OPCML: variants seen among roughly 807,000 people sequenced by gnomAD.
The protein encoded by OPCML is opioid-binding protein/cell adhesion molecule.
In OPCML, 13 loss-of-function variants were observed where a neutral mutation model predicts 37.8. The observed-to-expected ratio is 0.34, with a 90% CI of 0.22 to 0.55. The LOEUF is 0.55. Ranked by LOEUF, OPCML falls within the 20% of genes least tolerant of loss-of-function variation. The probability of loss-of-function intolerance (pLI) is 0.91; values close to 1 mark genes in which losing one functional copy is unlikely to be tolerated. For missense variants in OPCML, 341 were observed against 435.6 expected, an observed-to-expected ratio of 0.78 and a Z score of 1.93; for synonymous variants, 176 against 168.8, an observed-to-expected ratio of 1.04 and a Z score of -0.33.
At chr11:133,482,909 T>C (rs1947409647) in intron 1 of OPCML, among the ~76,000 whole-genome samples, 1 of 152,106 alleles carries the variant, frequency 6.6e-6, no homozygotes, top group African/African-American at 2.4e-5. Flanking sequence ...ACAAAAAATA[T>C]ATACATTTGA....
intron 1 of OPCML, among the ~76,000 whole-genome samples, chr11:133,170,272 G>A (rs963732240): frequency 5.3e-5 from 8 of 152,270 alleles, no homozygotes; most frequent in East Asian, 3.9e-4. Flanking sequence ...GTCAGGAGAT[G>A]GAGACCATCC....
chr11:133,282,711 T>A (rs1249324552), intron 1 of OPCML, among the ~76,000 whole-genome samples: 1 of 152,194 alleles, frequency 6.6e-6, no homozygotes, highest in African/African-American at 2.4e-5. Context: ...CCATAGGCAC[T>A]CAACTCCAAC....
chr11:133,430,303 A>G (rs1366885541), intron 1 of OPCML, among the ~76,000 whole-genome samples: 1 of 152,238 alleles, frequency 6.6e-6, no homozygotes, highest in Non-Finnish European at 1.5e-5. Flanking sequence ...AAGACTACTA[A>G]GAGCATTGCT....
At position 133,174,453 on chromosome 11, in the gene OPCML, T is replaced by C. The variant is rs1038037907; in HGVS notation, c.62-231443A>G. Among the ~76,000 whole-genome samples, 22 of 152,170 alleles carry C rather than the reference T, an allele frequency of 1.4e-4. No individual in the cohort carries two copies. Among genetic ancestry groups the C allele is most frequent in the Admixed American group, 6.5e-5 (1 of 15,274 alleles). On this transcript the variant is annotated intron_variant, in intron 1 of 7. Coordinates refer to ENST00000524381, the MANE Select transcript of OPCML (RefSeq NM_001012393.5). This position sits in a 1 kb window ranked among gnomAD's most constrained non-coding sequence, Gnocchi z 4.6. ...GAAGGAATGGTTTTCTCAGACGAGT[T>C]AGAATAACATACCAACATTTAATTG...
chr11:133,109,753 CCT>C (rs1453728489), intron 1 of OPCML, among the ~76,000 whole-genome samples: 1 of 152,120 alleles, frequency 6.6e-6, no homozygotes, highest in Non-Finnish European at 1.5e-5. Flanking sequence ...ATGATTTTGC[CCT>C]GTCAGGAAGC....
intron 1 of OPCML, among the ~76,000 whole-genome samples, chr11:133,140,863 GACGACGACGAAGAA>G (rs1949784893): frequency 2.9e-5 from 2 of 69,778 alleles, no homozygotes; most frequent in African/African-American, 6.7e-5. Context: ...CGAAGAAGAC[GACGACGACGAAGAA>G]GACGACGACG....
chr11:133,504,028 T>A (rs866954023), intron 1 of OPCML, among the ~76,000 whole-genome samples: 124 of 151,814 alleles, frequency 8.2e-4, no homozygotes, highest in African/African-American at 2.7e-3. Context: ...AGGAAGACTC[T>A]ACTAGCCCCA....
At chr11:132,944,163 C>A (rs1027962773) in intron 1 of OPCML, among the ~76,000 whole-genome samples, 1 of 151,834 alleles carries the variant, frequency 6.6e-6, no homozygotes, top group Middle Eastern at 3.4e-3. Context: ...CGGCGCCCCT[C>A]GCAGCGGCTT....
chr11:132,688,037 C>T (rs547390927), intron 2 of OPCML, among the ~76,000 whole-genome samples: 44 of 152,172 alleles, frequency 2.9e-4, no homozygotes, highest in African/African-American at 7.7e-4. Context: ...TGCTTCTATC[C>T]GGGAAATGAC....
intron 1 of OPCML, chr11:133,007,935 G>A (rs1189452531): frequency 1.0e-6 from 1 of 985,338 alleles, no homozygotes; most frequent in Non-Finnish European, 1.2e-6. Context: ...GTGCATTTAT[G>A]TTTTATATAT....
intron 3 of OPCML, among the ~76,000 whole-genome samples, chr11:132,593,606 CA>C (rs1453215441): frequency 2.0e-5 from 3 of 152,086 alleles, no homozygotes; most frequent in African/African-American, 7.2e-5. Context: ...CTGAACAGAT[CA>C]GGGGAGAGAT....
At chr11:133,330,627 A>G (rs1171566509) in intron 1 of OPCML, among the ~76,000 whole-genome samples, 1 of 150,562 alleles carries the variant, frequency 6.6e-6, no homozygotes, top group African/African-American at 2.4e-5. Flanking sequence ...ATAGGTGGGA[A>G]TTGAACAATG....
At chr11:133,015,129 T>C (rs1947296086) in intron 1 of OPCML, among the ~76,000 whole-genome samples, 1 of 151,930 alleles carries the variant, frequency 6.6e-6, no homozygotes, top group South Asian at 2.1e-4. Context: ...GGTAATAAAT[T>C]TACATAGATC....
At chr11:133,318,802 C>A (rs1943263144) in intron 1 of OPCML, among the ~76,000 whole-genome samples, 1 of 152,196 alleles carries the variant, frequency 6.6e-6, no homozygotes, top group Non-Finnish European at 1.5e-5. Flanking sequence ...TTTGGGAGAC[C>A]AAGGTGGGCA....
chr11:132,742,051 T>C (rs1364661360), intron 2 of OPCML, among the ~76,000 whole-genome samples: 1 of 151,850 alleles, frequency 6.6e-6, no homozygotes, highest in Non-Finnish European at 1.5e-5. Context: ...AATTAAAAAA[T>C]AAATAAAAGC....
chr11:133,386,449 C>T (rs752304361), intron 1 of OPCML, among the ~76,000 whole-genome samples: 1 of 152,130 alleles, frequency 6.6e-6, no homozygotes, highest in Non-Finnish European at 1.5e-5. Context: ...AGAAGACATA[C>T]TGGCCAGCTC....
intron 4 of OPCML, among the ~76,000 whole-genome samples, chr11:132,490,961 T>C (rs2096213897): frequency 6.6e-6 from 1 of 152,192 alleles, no homozygotes; most frequent in Non-Finnish European, 1.5e-5. Context: ...AGTCACTACA[T>C]GTGCACAGGA....
intron 2 of OPCML, among the ~76,000 whole-genome samples, chr11:132,702,764 G>A (rs953564775): frequency 2.7e-5 from 4 of 147,460 alleles, no homozygotes; most frequent in African/African-American, 1.0e-4. Context: ...TTTTCTTTTT[G>A]TTCCTCTACT....
intron 2 of OPCML, among the ~76,000 whole-genome samples, chr11:132,790,010 T>G (rs911948852): frequency 2.6e-5 from 4 of 152,204 alleles, no homozygotes; most frequent in Non-Finnish European, 5.9e-5. Flanking sequence ...AACTTCTTCA[T>G]AAGTGTACGA....
Sources: gnomAD v4.1 joint callset for allele counts (sites outside exome capture counted in the v4.1 genomes callset) on GRCh38, gnomAD v4.1.1 for gene constraint, Gnocchi (gnomAD v3.1) non-coding constraint, MANE v1.5 for transcripts, NCBI Gene and HGNC (gene_info 2026-07-23, HGNC 2026-07-21) for gene names.